Variants in RNF122 observed in about 807,000 individuals in gnomAD.
RNF122 encodes ring finger protein 122.
RNF122 carries 17 observed loss-of-function variants against 24.2 expected under a neutral mutation model. The observed-to-expected ratio is 0.70, with a 90% CI of 0.48 to 1.06. The LOEUF is 1.06. RNF122 is among the 50% of genes least tolerant of loss of function. The pLI, the probability that RNF122 is intolerant of heterozygous loss-of-function variation, is 0.00. For synonymous variants in RNF122, 65 were observed against 71.8 expected, an observed-to-expected ratio of 0.91 and a Z score of 0.48; for missense variants, 168 against 198.1, an observed-to-expected ratio of 0.85 and a Z score of 0.91.
chr8:33,556,158 C>A (rs1585359027), intron 2 of RNF122, among the ~76,000 whole-genome samples: 1 of 104,334 alleles, frequency 9.6e-6, no homozygotes, highest in Admixed American at 1.5e-4. Context: ...CCAGCCTGGG[C>A]AACAGAGCAA....
chr8:33,554,694 T>A (rs1452510024), intron 2 of RNF122, among the ~76,000 whole-genome samples: 1 of 152,252 alleles, frequency 6.6e-6, no homozygotes, highest in Non-Finnish European at 1.5e-5. Flanking sequence ...AATACCCTGA[T>A]TTCAATGAGA....
chr8:33,551,447 G>A (rs899862999), intron 2 of RNF122, 58 bp from the exon 3 acceptor site: 20 of 1,584,634 alleles, frequency 1.3e-5, no homozygotes, highest in Non-Finnish European at 1.7e-5. Context: ...TTCAAAGCAG[G>A]AGAGGCTGGC....
At chr8:33,551,295 A>G (rs1054623517) in intron 3 of RNF122, 49 bp downstream of exon 3, 2 of 1,598,490 alleles carry the variant, frequency 1.3e-6, no homozygotes, top group Admixed American at 1.7e-5. Context: ...GCCTCTTCCT[A>G]TCAGGTCAGG....
intron 4 of RNF122, among the ~76,000 whole-genome samples, chr8:33,550,453 G>A (rs1489595173): frequency 6.6e-6 from 1 of 152,144 alleles, no homozygotes; most frequent in African/African-American, 2.4e-5. Context: ...AGTGTCTGTG[G>A]TCATGAACAG....
intron 1 of RNF122, among the ~76,000 whole-genome samples, chr8:33,560,981 GAAGGGA>G (rs1231239326): frequency 6.6e-6 from 1 of 152,034 alleles, no homozygotes; most frequent in Non-Finnish European, 1.5e-5. Flanking sequence ...GAGGATGGCA[GAAGGGA>G]AAGGGAAAGA....
At position 33,567,056 on chromosome 8, in the gene RNF122, G is replaced by C. The variant is rs1810639057; in HGVS notation, c.-333C>G. 2.5e-6 allele frequency: 1 copy of C among 392,340 alleles called. No individual in the cohort carries two copies. Among genetic ancestry groups the C allele is most frequent in the African/African-American group, 2.2e-5 (1 of 45,252 alleles). The allele number at this position is 392,340 out of a possible 1,614,324, so 24.3% of individuals were successfully genotyped here. A position where few individuals can be genotyped will look rare whatever the true frequency, so the allele number is the denominator to read the frequency against. On this transcript the variant is annotated 5_prime_UTR_variant, in exon 1 of 6. Coordinates refer to ENST00000256257, the MANE Select transcript of RNF122 (RefSeq NM_024787.3). ...AGAAGCCCTCGGCCGGGGGAGGAGG[G>C]AAAAACCTTTGCCGGAGGCTCGGAT...
At chr8:33,548,941 T>C (rs1810330256) in intron 5 of RNF122, 74 bp from the exon 6 acceptor site, 4 of 1,050,556 alleles carry the variant, frequency 3.8e-6, no homozygotes, top group Non-Finnish European at 6.0e-6. Flanking sequence ...AAAACAAGAA[T>C]ATCCCGTGGT....
intron 1 of RNF122, among the ~76,000 whole-genome samples, chr8:33,559,792 C>T (rs1810512135): frequency 2.0e-5 from 3 of 151,208 alleles, no homozygotes; most frequent in African/African-American, 7.3e-5. Flanking sequence ...TTTTTAGAAA[C>T]ATATACTCTC....
In RNF122 at chr8:33,566,996, T is replaced by C. The variant is rs1281457423; in HGVS notation, c.-273A>G. 6.3e-6 allele frequency: 3 copies of C among 475,766 alleles called. No homozygotes were observed. Among genetic ancestry groups the C allele is most frequent in the African/African-American group, 2.1e-5 (1 of 47,546 alleles). 29.5% of individuals were successfully genotyped at this position (475,766 alleles called of 1,614,324 possible). On this transcript the variant is annotated 5_prime_UTR_variant, in exon 1 of 6. Transcript: ENST00000256257. ...CGCCAAGGGCCCCGGGCTGGGGGAA[T>C]GTGGGGCGCCGCGGGGCGGGGGTGC...
chr8:33,556,439 C>T (rs1810453419), intron 2 of RNF122, among the ~76,000 whole-genome samples: 1 of 152,090 alleles, frequency 6.6e-6, no homozygotes, highest in Non-Finnish European at 1.5e-5. Context: ...AGCCCTTTGC[C>T]GCTTGGCATG....
intron 1 of RNF122, among the ~76,000 whole-genome samples, chr8:33,562,102 C>T (rs376024618): frequency 7.9e-5 from 12 of 152,156 alleles, no homozygotes; most frequent in African/African-American, 2.7e-4. Flanking sequence ...AACCTCTCTT[C>T]CTTCAATTCT....
At position 33,566,866 on chromosome 8, in the gene RNF122, C is replaced by G; in HGVS notation, c.-143G>C. On this transcript the variant is annotated 5_prime_UTR_variant, in exon 1 of 6. Transcript: ENST00000256257. ...GCCGCCCTGCTGGAGAAGCCGAACT[C>G]CCTCCGGAGTGGGGGGCTTTGACGA... 8.0e-6 allele frequency: 7 copies of G among 877,538 alleles called. No homozygotes were observed. The highest frequency in any genetic ancestry group is 1.1e-5 in the Non-Finnish European group (6 of 545,870). The allele number at this position is 877,538 out of a possible 1,614,324, so 54.4% of individuals were successfully genotyped here.
At chr8:33,552,505 C>A (rs894322462) in intron 2 of RNF122, among the ~76,000 whole-genome samples, 5 of 152,206 alleles carry the variant, frequency 3.3e-5, no homozygotes, top group African/African-American at 1.2e-4. Flanking sequence ...AGATTTGAAT[C>A]AAAGTTGGTG....
intron 2 of RNF122, among the ~76,000 whole-genome samples, chr8:33,552,409 AAAAAAG>A (rs148735595): frequency 0.026 from 3,924 of 152,218 alleles, 105 homozygotes; most frequent in East Asian, 0.15. Flanking sequence ...CATAAAAATA[AAAAAAG>A]AAAAAGAAAA....
In RNF122 at chr8:33,549,401, C is replaced by T. The variant is rs765480965; in HGVS notation, c.353+9G>A. 1 of 1,611,496 alleles carries T rather than the reference C, an allele frequency of 6.2e-7. No individual in the cohort carries two copies. The highest frequency in any genetic ancestry group is 2.2e-5 in the East Asian group (1 of 44,862). On this transcript the variant is annotated intron_variant, in intron 5 of 5. Coordinates refer to ENST00000256257, the MANE Select transcript of RNF122 (RefSeq NM_024787.3). ...CTTCGACGGGCACCCTGGACACATT[C>T]CCACGTACTTGCGGTGAAAGGCGTG...
intron 1 of RNF122, among the ~76,000 whole-genome samples, chr8:33,560,629 G>A (rs903035589): frequency 1.3e-5 from 2 of 151,964 alleles, no homozygotes; most frequent in East Asian, 3.9e-4. Flanking sequence ...GCTGGAAAGA[G>A]CAGCTCAGTA....
intron 1 of RNF122, 94 bp downstream of exon 1, chr8:33,566,605 G>A: frequency 7.5e-7 from 1 of 1,330,106 alleles, no homozygotes; most frequent in Non-Finnish European, 1.1e-6. Flanking sequence ...CTTGGTTCCC[G>A]AGGGAGGACC....
chr8:33,565,567 AAC>A (rs2128841048), intron 1 of RNF122, among the ~76,000 whole-genome samples: 1 of 152,296 alleles, frequency 6.6e-6, no homozygotes, highest in East Asian at 1.9e-4. Context: ...CCCGCTCAGA[AAC>A]ACCTACCTTT....
In RNF122 at chr8:33,566,761, G is replaced by A; in HGVS notation, c.-38C>T. On this transcript the variant is annotated 5_prime_UTR_variant, in exon 1 of 6. Transcript: ENST00000256257. ...GGTTGGCTTCCTCGGGCGAACGGACGCAGGCGGGGTGCCAGGAGGGCGGGG... is the reference window on the plus strand; with the variant it reads ...GGTTGGCTTCCTCGGGCGAACGGACACAGGCGGGGTGCCAGGAGGGCGGGG... 1 of 1,594,240 alleles carries A rather than the reference G, an allele frequency of 6.3e-7. No homozygotes were observed. The highest frequency in any genetic ancestry group is 8.5e-7 in the Non-Finnish European group (1 of 1,171,506).
Sources: allele counts gnomAD v4.1 joint callset (sites outside exome capture counted in the v4.1 genomes callset), GRCh38; gene constraint gnomAD v4.1.1; transcripts MANE v1.5; gene names NCBI Gene and HGNC (gene_info 2026-07-23, HGNC 2026-07-21).